The following SORBS2 variants were observed in gnomAD, a reference collection of about 807,000 sequenced individuals.
SORBS2 encodes the protein sorbin and SH3 domain-containing protein 2.
In SORBS2, 46 loss-of-function variants were observed where a neutral mutation model predicts 97.7. That is an observed-to-expected ratio of 0.47 (90% CI 0.37 to 0.60). The LOEUF is 0.60. Among genes scored for constraint, SORBS2 ranks in the 20% least tolerant of loss-of-function variants. SORBS2 has a pLI of 0.00. For missense variants in SORBS2, 1,316 were observed against 1,282.3 expected (o/e 1.03, Z -0.40); for synonymous variants, 476 against 473.4 (o/e 1.01, Z -0.07).
chr4:185,816,491 GTGAACAA>G (rs2099193318), intron 1 of SORBS2, among the ~76,000 whole-genome samples: 2 of 152,156 alleles, frequency 1.3e-5, no homozygotes, highest in South Asian at 4.1e-4. Context: ...TCACAATGAC[GTGAACAA>G]TGTCAAAATA....
chr4:185,724,167 C>T (rs2098538562), intron 2 of SORBS2, among the ~76,000 whole-genome samples: 1 of 152,086 alleles, frequency 6.6e-6, no homozygotes, highest in African/African-American at 2.4e-5. Context: ...TCCAGGGTTT[C>T]TTAACCTACC....
chr4:185,766,812 A>C (rs755194703), intron 2 of SORBS2, among the ~76,000 whole-genome samples: 1 of 152,246 alleles, frequency 6.6e-6, no homozygotes, highest in Non-Finnish European at 1.5e-5. Flanking sequence ...TCCAGGGGTC[A>C]CAGTAGCCAA....
At chr4:185,611,800 G>A (rs533008806) in exon 12 of SORBS2, 44 of 1,613,818 alleles carry the variant, frequency 2.7e-5, no homozygotes, top group Non-Finnish European at 3.4e-5. Flanking sequence ...CTCAAGCTGT[G>A]AATCCTATCA....
chr4:185,762,347 T>C (rs1376236919), intron 2 of SORBS2, among the ~76,000 whole-genome samples: 1 of 152,140 alleles, frequency 6.6e-6, no homozygotes, highest in Non-Finnish European at 1.5e-5. Context: ...CACCAGCTTC[T>C]TGGAAATGTG....
chr4:185,827,120 TCAC>T (rs1206258779), intron 1 of SORBS2, among the ~76,000 whole-genome samples: 3 of 136,792 alleles, frequency 2.2e-5, no homozygotes, highest in African/African-American at 8.4e-5. Context: ...GCCATCATCA[TCAC>T]CATCATCATC....
chr4:185,607,705 A>G lies in SORBS2; in HGVS notation c.2796+4075T>C, dbSNP rs1157067799. Among the ~76,000 whole-genome samples, 4 of 152,020 alleles carry G rather than the reference A, an allele frequency of 2.6e-5. No homozygotes were observed. The highest frequency in any genetic ancestry group is 4.4e-5 in the Non-Finnish European group (3 of 68,002). On this transcript the variant is annotated intron_variant, in intron 12 of 14. Coordinates refer to ENST00000418609, the Ensembl canonical transcript of SORBS2. This position sits in a 1 kb window ranked among gnomAD's most constrained non-coding sequence, Gnocchi z 5.2. ...TTATTTATTTTTAATTTTTTAAAAA[A>G]TTTTTTAGAGATGGAGTCTCGCTGT...
At chr4:185,861,137 C>T (rs2648126) in intron 1 of SORBS2, among the ~76,000 whole-genome samples, 21,790 of 152,052 alleles carry the variant, frequency 0.14, 1,810 homozygotes, top group African/African-American at 0.22. Context: ...TCTGTTTTGT[C>T]GGCAGATTTC....
intron 1 of SORBS2, among the ~76,000 whole-genome samples, chr4:185,877,292 GGTT>G (rs2099234175): frequency 6.6e-6 from 1 of 151,022 alleles, no homozygotes; most frequent in Admixed American, 6.6e-5. Flanking sequence ...AAACATTAAA[GGTT>G]GTTTTTTTTA....
intron 2 of SORBS2, among the ~76,000 whole-genome samples, chr4:185,722,892 G>A (rs943492016): frequency 6.6e-5 from 10 of 152,010 alleles, no homozygotes; most frequent in South Asian, 2.1e-4. Flanking sequence ...GCTAAAATGC[G>A]CCAGAGCTGT....
chr4:185,938,103 G>A (rs576863302), intron 1 of SORBS2, among the ~76,000 whole-genome samples: 75 of 145,672 alleles, frequency 5.1e-4, no homozygotes, highest in Non-Finnish European at 9.3e-4. Context: ...CCCACCTCCC[G>A]GTTCAAGTGA....
chr4:185,704,080 T>C (rs915728886), intron 2 of SORBS2, among the ~76,000 whole-genome samples: 3 of 152,250 alleles, frequency 2.0e-5, no homozygotes, highest in African/African-American at 7.2e-5. Context: ...ATAAGTATGC[T>C]AGCACTTTGC....
intron 1 of SORBS2, among the ~76,000 whole-genome samples, chr4:185,926,460 G>A (rs2099263746): frequency 6.6e-6 from 1 of 151,984 alleles, no homozygotes; most frequent in African/African-American, 2.4e-5. Flanking sequence ...TCTCGGAGGT[G>A]ATGGAAACAC....
chr4:185,837,101 C>T (rs2099208508), intron 1 of SORBS2, among the ~76,000 whole-genome samples: 1 of 152,174 alleles, frequency 6.6e-6, no homozygotes, highest in Non-Finnish European at 1.5e-5. Flanking sequence ...CATAGGACCT[C>T]ACATTCAGTT....
intron 1 of SORBS2, among the ~76,000 whole-genome samples, chr4:185,955,635 G>A (rs535043506): frequency 4.6e-5 from 7 of 152,278 alleles, no homozygotes; most frequent in African/African-American, 1.7e-4. Context: ...ACTTTCGGAC[G>A]AGCACACCAG....
At chr4:185,665,927 C>G (rs1424810662) in intron 4 of SORBS2, 2 of 1,218,896 alleles carry the variant, frequency 1.6e-6, no homozygotes, top group African/African-American at 3.1e-5. Context: ...GTCAGAGAGC[C>G]TGTGTCGTGG....
chr4:185,912,944 C>T lies in SORBS2; in HGVS notation c.-338+43252G>A, dbSNP rs114519797. On this transcript the variant is annotated intron_variant, in intron 1 of 20. Coordinates refer to the SORBS2 transcript ENST00000284776. ...GACATTAACACCCATTATTGTGCTG[C>T]ATTAGTTTTATGGGTGCAATAAACA... Among the ~76,000 whole-genome samples the T allele has an allele frequency of 6.4e-3, 968 of 152,274 alleles. 13 individuals are homozygous for T. The highest frequency in any genetic ancestry group is 0.022 in the African/African-American group (930 of 41,540).
At position 185,690,624 on chromosome 4, in the gene SORBS2, A is replaced by G; in HGVS notation, c.-197-11802T>C. ...GTCTTCAGTTTTCCTGTAGGAAAAA[A>G]ATGGTGCATAATTGTTCACTAGCAT... On this transcript the variant is annotated intron_variant, in intron 2 of 20. Transcript: ENST00000284776. 7 of 1,247,804 alleles carry G rather than the reference A, an allele frequency of 5.6e-6. No individual in the cohort carries two copies. The South Asian group carries it at 1.0e-4, about 18-fold the overall frequency. The allele number at this position is 1,247,804 out of a possible 1,614,324, so 77.3% of individuals were successfully genotyped here.
At chr4:185,739,409 T>A (rs1342649360) in intron 2 of SORBS2, among the ~76,000 whole-genome samples, 3 of 152,248 alleles carry the variant, frequency 2.0e-5, no homozygotes, top group African/African-American at 2.4e-5. Flanking sequence ...ATGCTACAGA[T>A]TTGAAACTTA....
At chr4:185,701,918 G>T (rs896462201) in intron 2 of SORBS2, among the ~76,000 whole-genome samples, 3 of 152,018 alleles carry the variant, frequency 2.0e-5, no homozygotes, top group Non-Finnish European at 4.4e-5. Flanking sequence ...CTACAGGCAC[G>T]TGCCAGCACG....
Sources: allele counts gnomAD v4.1 joint callset (sites outside exome capture counted in the v4.1 genomes callset), GRCh38; gene constraint gnomAD v4.1.1; non-coding constraint Gnocchi (gnomAD v3.1); transcripts MANE v1.5; gene names NCBI Gene and HGNC (gene_info 2026-07-23, HGNC 2026-07-21).